The following MAGI2 variants were observed in gnomAD, a reference collection of about 807,000 sequenced individuals.
MAGI2 encodes the protein membrane-associated guanylate kinase, WW and PDZ domain-containing protein 2.
In MAGI2, 35 loss-of-function variants were observed where a neutral mutation model predicts 133.3. The ratio of observed to expected loss-of-function variants is 0.26; its 90% CI spans 0.20 to 0.35. MAGI2 has a LOEUF of 0.35. Ranked by LOEUF, MAGI2 falls within the 10% of genes least tolerant of loss-of-function variation. The probability of loss-of-function intolerance (pLI) is 1.00; values close to 1 mark genes in which losing one functional copy is unlikely to be tolerated. For missense variants in MAGI2, 1,636 were observed against 1,863.4 expected, an observed-to-expected ratio of 0.88 and a Z score of 2.25; for synonymous variants, 729 against 710.6, an observed-to-expected ratio of 1.03 and a Z score of -0.41.
chr7:78,428,146 C>T (rs1799463933), intron 6 of MAGI2, among the ~76,000 whole-genome samples: 1 of 152,090 alleles, frequency 6.6e-6, no homozygotes, highest in East Asian at 1.9e-4. Context: ...ATGGGTACTT[C>T]AGGCGAGGAC....
chr7:79,092,674 A>C (rs529261642), intron 1 of MAGI2, among the ~76,000 whole-genome samples: 1 of 152,330 alleles, frequency 6.6e-6, no homozygotes, highest in Non-Finnish European at 1.5e-5. Flanking sequence ...AGGTTGCTAC[A>C]GATAGTACAT....
chr7:79,302,546 G>A (rs912626676), intron 1 of MAGI2, among the ~76,000 whole-genome samples: 3 of 149,494 alleles, frequency 2.0e-5, no homozygotes, highest in Admixed American at 6.8e-5. Flanking sequence ...AAAGTTGATG[G>A]ATACCATGTG....
chr7:79,418,622 A>G (rs956799543), intron 1 of MAGI2, among the ~76,000 whole-genome samples: 8 of 151,930 alleles, frequency 5.3e-5, no homozygotes, highest in Admixed American at 4.6e-4. Flanking sequence ...ACCATTTGCC[A>G]TGCTCTGGAA....
chr7:78,394,612 C>A (rs563040336), intron 6 of MAGI2, among the ~76,000 whole-genome samples: 2 of 152,330 alleles, frequency 1.3e-5, no homozygotes, highest in South Asian at 4.1e-4. Context: ...TGTCTGCTGA[C>A]CACCATTCTT....
chr7:78,977,501 AAGAAAGAAAGAAAGAAAG>A, intron 2 of MAGI2, among the ~76,000 whole-genome samples: 1 of 36,682 alleles, frequency 2.7e-5, no homozygotes, highest in Admixed American at 2.4e-4. Flanking sequence ...GAAAGAAAGA[AAGAAAGAAAGAAAGAAAG>A]AAAGAAAGAG....
chr7:78,392,695 G>A (rs1796004235), intron 6 of MAGI2, among the ~76,000 whole-genome samples: 1 of 152,166 alleles, frequency 6.6e-6, no homozygotes, highest in African/African-American at 2.4e-5. Flanking sequence ...TTAGGCTAGA[G>A]TACAACGGCG....
At chr7:78,926,018 T>A (rs759155579) in intron 2 of MAGI2, among the ~76,000 whole-genome samples, 14 of 152,044 alleles carry the variant, frequency 9.2e-5, no homozygotes, top group Non-Finnish European at 5.9e-5. Context: ...CTCATACTTT[T>A]CATTTTGTAC....
chr7:78,677,012 G>A (rs1815114419), intron 2 of MAGI2, among the ~76,000 whole-genome samples: 1 of 152,056 alleles, frequency 6.6e-6, no homozygotes, highest in Non-Finnish European at 1.5e-5. Context: ...CCCCAAGTTT[G>A]AGTCAACATA....
At chr7:78,756,829 T>C (rs531194512) in intron 2 of MAGI2, among the ~76,000 whole-genome samples, 8 of 152,270 alleles carry the variant, frequency 5.3e-5, no homozygotes, top group Admixed American at 4.6e-4. Flanking sequence ...TTCACCTTTA[T>C]TTTTTTGCTC....
intron 4 of MAGI2, among the ~76,000 whole-genome samples, chr7:78,508,706 G>C (rs1399525187): frequency 6.6e-6 from 1 of 152,108 alleles, no homozygotes; most frequent in Non-Finnish European, 1.5e-5. Flanking sequence ...TCTGTGGTTT[G>C]AGAATTTCTG....
intron 3 of MAGI2, chr7:78,614,576 A>T (rs1806863542): frequency 6.6e-6 from 1 of 152,178 alleles, no homozygotes; most frequent in Non-Finnish European, 1.5e-5. Flanking sequence ...ATCACTTTTT[A>T]AATGTATATT....
intron 1 of MAGI2, among the ~76,000 whole-genome samples, chr7:79,132,474 A>G (rs28668416): frequency 0.025 from 3,829 of 152,214 alleles, 176 homozygotes; most frequent in African/African-American, 0.087. Context: ...ACATTATTTC[A>G]TTTATTTTAA....
chr7:78,022,311 A>C (rs1808477299), intron 21 of MAGI2, among the ~76,000 whole-genome samples: 2 of 152,224 alleles, frequency 1.3e-5, no homozygotes, highest in African/African-American at 4.8e-5. Context: ...GACTTGGACC[A>C]TGGTAATGAT....
At chr7:78,069,539 G>GGAGAGAGAGAGAGA (rs3840607) in intron 21 of MAGI2, among the ~76,000 whole-genome samples, 88 of 134,710 alleles carry the variant, frequency 6.5e-4, no homozygotes, top group South Asian at 6.2e-3. Context: ...GAAAGAGAGA[G>GGAGAGAGAGAGAGA]GAGAGAGAGA....
intron 1 of MAGI2, among the ~76,000 whole-genome samples, chr7:79,450,864 C>G (rs1490342863): frequency 6.6e-6 from 1 of 152,156 alleles, no homozygotes; most frequent in African/African-American, 2.4e-5. Context: ...TTGGAAAACT[C>G]TGTTAGAAAG....
chr7:79,170,617 G>A (rs1488173441), intron 1 of MAGI2, among the ~76,000 whole-genome samples: 1 of 152,058 alleles, frequency 6.6e-6, no homozygotes, highest in African/African-American at 2.4e-5. Context: ...TAAATGAGTG[G>A]TTTAATATTG....
chr7:78,971,692 G>A (rs759133614), intron 2 of MAGI2, among the ~76,000 whole-genome samples: 1 of 151,946 alleles, frequency 6.6e-6, no homozygotes, highest in African/African-American at 2.4e-5. Context: ...TGATTAGAAC[G>A]TGAATTTGGG....
intron 11 of MAGI2, among the ~76,000 whole-genome samples, chr7:78,198,728 C>G (rs530088243): frequency 6.6e-6 from 1 of 152,292 alleles, no homozygotes; most frequent in South Asian, 2.1e-4. Context: ...AGGCCCCTCT[C>G]CCCTACTCCC....
chr7:79,359,581 T>G (rs973956678), intron 1 of MAGI2, among the ~76,000 whole-genome samples: 3 of 150,592 alleles, frequency 2.0e-5, no homozygotes, highest in African/African-American at 7.3e-5. Flanking sequence ...AGAAAAACCC[T>G]AAATCAGCCA....
Sources: allele counts gnomAD v4.1 joint callset (sites outside exome capture counted in the v4.1 genomes callset), GRCh38; gene constraint gnomAD v4.1.1; transcripts MANE v1.5; gene names NCBI Gene and HGNC (gene_info 2026-07-23, HGNC 2026-07-21).